Variants in LGSN observed in about 807,000 individuals in gnomAD.
LGSN encodes lengsin.
Under a neutral mutation model 19.5 loss-of-function variants are expected in LGSN, and 21 were observed. That is an observed-to-expected ratio of 1.07 (90% CI 0.76 to 1.55). The LOEUF is 1.55. Ranked by LOEUF, LGSN falls within the 40% of genes most tolerant of loss-of-function variation. The probability of loss-of-function intolerance (pLI) is 0.00; values close to 1 mark genes in which losing one functional copy is unlikely to be tolerated. For missense variants in LGSN, 673 were observed against 608.5 expected (o/e 1.11, Z -1.12); for synonymous variants, 257 against 215.6 (o/e 1.19, Z -1.68).
the LGSN span, among the ~76,000 whole-genome samples, chr6:63,467,074 C>A: frequency 4.6e-5 from 7 of 152,026 alleles, no homozygotes; most frequent in African/African-American, 1.4e-4. Context: ...CTGAGCCCTG[C>A]AGCACTCCAC....
the LGSN span, among the ~76,000 whole-genome samples, chr6:63,450,333 C>T: frequency 6.6e-6 from 1 of 151,512 alleles, no homozygotes; most frequent in South Asian, 2.1e-4. Flanking sequence ...TGCACTCCAG[C>T]CTGGGCGACA....
At chr6:63,567,105 G>A in the LGSN span, among the ~76,000 whole-genome samples, 2 of 152,260 alleles carry the variant, frequency 1.3e-5, no homozygotes, top group South Asian at 4.1e-4. Context: ...TTCCTCCACT[G>A]AAGTCTTGAA....
intron 1 of LGSN, among the ~76,000 whole-genome samples, chr6:63,307,038 G>C (rs1768419741): frequency 6.6e-6 from 1 of 152,108 alleles, no homozygotes; most frequent in Non-Finnish European, 1.5e-5. Context: ...TGTATCAGCA[G>C]TGACCACCTG....
chr6:63,334,963 C>T, the LGSN span, among the ~76,000 whole-genome samples: 1,158 of 151,540 alleles, frequency 7.6e-3, 12 homozygotes, highest in African/African-American at 0.027. Context: ...ATGGTGAAAC[C>T]CCATCTTTAC....
the LGSN span, among the ~76,000 whole-genome samples, chr6:63,376,701 G>T: frequency 2.0e-5 from 3 of 152,076 alleles, no homozygotes; most frequent in African/African-American, 7.2e-5. Flanking sequence ...CAGAGAATAG[G>T]CTTAAAATGA....
chr6:63,472,660 G>T, the LGSN span, among the ~76,000 whole-genome samples: 1 of 152,182 alleles, frequency 6.6e-6, no homozygotes, highest in Admixed American at 6.5e-5. Flanking sequence ...CCCAATTCGG[G>T]CCGGGCGCGG....
chr6:63,532,421 G>A, the LGSN span, among the ~76,000 whole-genome samples: 2 of 152,108 alleles, frequency 1.3e-5, no homozygotes, highest in South Asian at 2.1e-4. Flanking sequence ...CCAGCCACAG[G>A]ACCTGCTCAT....
the LGSN span, among the ~76,000 whole-genome samples, chr6:63,418,760 A>G: frequency 6.6e-6 from 1 of 152,122 alleles, no homozygotes; most frequent in Non-Finnish European, 1.5e-5. Flanking sequence ...TAGACTAAAA[A>G]GCCCCCACAA....
the LGSN span, among the ~76,000 whole-genome samples, chr6:63,399,113 T>C: frequency 6.6e-6 from 1 of 152,176 alleles, no homozygotes; most frequent in African/African-American, 2.4e-5. Context: ...GGCCTCATTT[T>C]TTTTTAATCT....
At chr6:63,313,377 G>T (rs926170120) in intron 1 of LGSN, among the ~76,000 whole-genome samples, 5 of 152,012 alleles carry the variant, frequency 3.3e-5, no homozygotes, top group African/African-American at 9.7e-5. Context: ...TTTAGCCCAG[G>T]ATCTACACCC....
At chr6:63,416,973 G>A in the LGSN span, among the ~76,000 whole-genome samples, 25 of 150,334 alleles carry the variant, frequency 1.7e-4, no homozygotes, top group South Asian at 4.7e-3. Context: ...AACGAAAGTC[G>A]AACTTACAGA....
chr6:63,311,932 C>T (rs1768644365), intron 1 of LGSN, among the ~76,000 whole-genome samples: 1 of 152,192 alleles, frequency 6.6e-6, no homozygotes, highest in African/African-American at 2.4e-5. Context: ...ATTCTACTCT[C>T]TGCTTCTCTG....
the LGSN span, among the ~76,000 whole-genome samples, chr6:63,427,226 T>G: frequency 6.6e-6 from 1 of 152,066 alleles, no homozygotes; most frequent in Non-Finnish European, 1.5e-5. Context: ...GTATTTTTAG[T>G]AGAGATGGGG....
the LGSN span, among the ~76,000 whole-genome samples, chr6:63,387,557 C>T: frequency 3.3e-5 from 5 of 152,066 alleles, no homozygotes; most frequent in African/African-American, 9.7e-5. Flanking sequence ...CCCACAGATA[C>T]TGAGGGACAA....
At chr6:63,523,879 C>T in the LGSN span, among the ~76,000 whole-genome samples, 1 of 152,052 alleles carries the variant, frequency 6.6e-6, no homozygotes, top group Non-Finnish European at 1.5e-5. Flanking sequence ...AACAGATTGC[C>T]TACTCCTAGC....
At chr6:63,415,535 T>C in the LGSN span, among the ~76,000 whole-genome samples, 4 of 152,120 alleles carry the variant, frequency 2.6e-5, no homozygotes, top group South Asian at 8.3e-4. Flanking sequence ...CATCAAATCT[T>C]ATAAGAACTC....
At chr6:63,396,262 G>T in the LGSN span, 14 of 170,558 alleles carry the variant, frequency 8.2e-5, no homozygotes, top group Non-Finnish European at 1.7e-4. Flanking sequence ...TGGGGAAGAG[G>T]CAGGGTTTCC....
chr6:63,559,114 C>T, the LGSN span, among the ~76,000 whole-genome samples: 1 of 152,190 alleles, frequency 6.6e-6, no homozygotes, highest in Non-Finnish European at 1.5e-5. Flanking sequence ...CAATGATGTT[C>T]ACCATGTCCA....
chr6:63,345,192 C>A, the LGSN span, among the ~76,000 whole-genome samples: 1 of 152,074 alleles, frequency 6.6e-6, no homozygotes, highest in Non-Finnish European at 1.5e-5. Flanking sequence ...AAGGATGAAA[C>A]CTAGACTCAG....
Sources: allele counts gnomAD v4.1 joint callset (sites outside exome capture counted in the v4.1 genomes callset), GRCh38; gene constraint gnomAD v4.1.1; transcripts MANE v1.5; gene names NCBI Gene and HGNC (gene_info 2026-07-23, HGNC 2026-07-21).